Variants in CNBD1 observed in about 807,000 individuals in gnomAD.
CNBD1 encodes the protein cyclic nucleotide binding domain containing 1.
In CNBD1, 71 loss-of-function variants were observed where a neutral mutation model predicts 54.4. The observed-to-expected ratio is 1.30, with a 90% CI of 1.08 to 1.59. The LOEUF (loss-of-function observed/expected upper bound fraction) is 1.59. Ranked by LOEUF, CNBD1 falls within the 40% of genes most tolerant of loss-of-function variation. CNBD1 has a pLI of 0.00. For synonymous variants in CNBD1, 182 were observed against 170.7 expected (o/e 1.07, Z -0.51); for missense variants, 659 against 518.0 (o/e 1.27, Z -2.64).
intron 5 of CNBD1, among the ~76,000 whole-genome samples, chr8:87,221,356 A>G (rs1201550708): frequency 2.0e-5 from 3 of 152,042 alleles, no homozygotes; most frequent in East Asian, 1.9e-4. Context: ...TTTTTCCTGT[A>G]CTGTGCTTCT....
chr8:87,302,369 C>G (rs573663626), intron 8 of CNBD1, among the ~76,000 whole-genome samples: 1 of 152,134 alleles, frequency 6.6e-6, no homozygotes, highest in Non-Finnish European at 1.5e-5. Flanking sequence ...AGCATAGAAA[C>G]AGAACCAATT....
chr8:87,361,236 T>A (rs888120772), intron 10 of CNBD1, among the ~76,000 whole-genome samples: 1 of 151,978 alleles, frequency 6.6e-6, no homozygotes, highest in Non-Finnish European at 1.5e-5. Context: ...TATTCCTTAC[T>A]AATACATGTT....
chr8:86,981,641 T>C (rs1320393776), intron 4 of CNBD1, among the ~76,000 whole-genome samples: 5 of 152,182 alleles, frequency 3.3e-5, no homozygotes, highest in South Asian at 2.1e-4. Flanking sequence ...TAGAATTTCA[T>C]TTAAACAGAA....
chr8:87,039,082 T>A (rs1026478751), intron 4 of CNBD1, among the ~76,000 whole-genome samples: 1 of 152,192 alleles, frequency 6.6e-6, no homozygotes, highest in African/African-American at 2.4e-5. Flanking sequence ...TAATGACCTC[T>A]TTTTTCTGCT....
chr8:87,099,648 C>A (rs1199150325), intron 4 of CNBD1, among the ~76,000 whole-genome samples: 1 of 152,110 alleles, frequency 6.6e-6, no homozygotes, highest in East Asian at 1.9e-4. Context: ...GGAAGACACT[C>A]CCAATTTTTG....
chr8:87,411,396 T>TAATATATATATATATATA (rs1807738971), intron 2 of CNBD1, among the ~76,000 whole-genome samples: 1 of 19,188 alleles, frequency 5.2e-5, no homozygotes, highest in African/African-American at 4.2e-4. Context: ...CCTAGCTATA[T>TAATATATATATATATATA]CATATATATA....
At chr8:87,354,456 G>A (rs1028252955) in intron 10 of CNBD1, among the ~76,000 whole-genome samples, 1 of 151,812 alleles carries the variant, frequency 6.6e-6, no homozygotes, top group Non-Finnish European at 1.5e-5. Flanking sequence ...TGCACAACGT[G>A]CAGGTTTGTT....
Position 87,326,391 on chromosome 8 carries a change from T to C in CNBD1, c.1043-25294T>C, listed in dbSNP as rs1384546099. Among the ~76,000 whole-genome samples the C allele has an allele frequency of 1.7e-3, 213 of 125,626 alleles. 10 individuals carry two copies. In the South Asian group the frequency reaches 0.017, roughly 10 times the overall value. The allele number at this position is 125,626 out of a possible 152,430, so 82.4% of individuals were successfully genotyped here. A position where few individuals can be genotyped will look rare whatever the true frequency, so the allele number is the denominator to read the frequency against. On this transcript the variant is annotated intron_variant, in intron 8 of 10. Transcript: ENST00000518476. ...GGAAGTTCTCCTGGATAATATCCTG[T>C]AGAGTGTTTTCCAACTTGGTTCCAT...
At chr8:86,986,572 CA>C (rs1042439333) in intron 4 of CNBD1, among the ~76,000 whole-genome samples, 3 of 152,084 alleles carry the variant, frequency 2.0e-5, no homozygotes, top group African/African-American at 7.2e-5. Context: ...GGGACTTATT[CA>C]AAAACTCTTT....
intron 6 of CNBD1, among the ~76,000 whole-genome samples, chr8:87,267,760 A>G: frequency 6.6e-6 from 1 of 152,162 alleles, no homozygotes; most frequent in Non-Finnish European, 1.5e-5. Context: ...TGGTTTCTTT[A>G]TCCAGATAGT....
chr8:87,281,588 AT>A (rs1808602921), intron 6 of CNBD1, among the ~76,000 whole-genome samples: 4 of 61,886 alleles, frequency 6.5e-5, no homozygotes, highest in African/African-American at 1.9e-4. Context: ...ATATATATAT[AT>A]ATATATATAT....
chr8:87,235,398 C>G (rs1285510984), intron 5 of CNBD1, among the ~76,000 whole-genome samples: 1 of 152,076 alleles, frequency 6.6e-6, no homozygotes, highest in African/African-American at 2.4e-5. Context: ...GCTGTTGATT[C>G]AAAGTAAGAG....
intron 6 of CNBD1, among the ~76,000 whole-genome samples, chr8:87,274,716 G>A (rs1324968903): frequency 7.5e-6 from 1 of 133,408 alleles, no homozygotes; most frequent in Non-Finnish European, 1.6e-5. Flanking sequence ...CCATTCTGTA[G>A]GTTGCCTGTT....
chr8:87,397,698 C>T (rs1480225973), intron 2 of CNBD1, among the ~76,000 whole-genome samples: 1 of 151,948 alleles, frequency 6.6e-6, no homozygotes. Context: ...TTATCACAAA[C>T]TGATGATTAA....
intron 2 of CNBD1, among the ~76,000 whole-genome samples, chr8:87,405,484 G>T (rs1266444491): frequency 6.6e-6 from 1 of 151,980 alleles, no homozygotes; most frequent in Non-Finnish European, 1.5e-5. Flanking sequence ...CTTTGATTTT[G>T]TTACAAGATC....
At chr8:87,399,300 G>T (rs187124332) in intron 2 of CNBD1, among the ~76,000 whole-genome samples, 2 of 151,916 alleles carry the variant, frequency 1.3e-5, no homozygotes, top group Admixed American at 6.6e-5. Context: ...GCCATGGCAG[G>T]GTTAGCCTTG....
Position 87,338,178 on chromosome 8 carries a change from A to G in CNBD1, c.1043-13507A>G, listed in dbSNP as rs549056044. 7.0e-4 allele frequency among the ~76,000 whole-genome samples: 107 copies of G among 152,338 alleles called. 1 individual carries two copies. Among genetic ancestry groups the G allele is most frequent in the African/African-American group, 2.5e-3 (105 of 41,584 alleles). ...AGTGTGAGTACCTTTAAGTAACGTT[A>G]TAAGAATGAAATAATCTATTCCCTC... On this transcript the variant is annotated intron_variant, in intron 8 of 10. Transcript: ENST00000518476.
At chr8:87,408,883 C>T (rs959614814) in intron 2 of CNBD1, among the ~76,000 whole-genome samples, 2 of 152,010 alleles carry the variant, frequency 1.3e-5, no homozygotes, top group Non-Finnish European at 2.9e-5. Flanking sequence ...CAAACCTAAT[C>T]AATAAATGTA....
At chr8:86,954,765 A>G (rs112942346) in intron 4 of CNBD1, among the ~76,000 whole-genome samples, 3 of 152,248 alleles carry the variant, frequency 2.0e-5, no homozygotes, top group African/African-American at 4.8e-5. Flanking sequence ...TATTTTCAGC[A>G]TAGCTAGGAG....
Sources: gnomAD v4.1 joint callset for allele counts (sites outside exome capture counted in the v4.1 genomes callset) on GRCh38, gnomAD v4.1.1 for gene constraint, MANE v1.5 for transcripts, NCBI Gene and HGNC (gene_info 2026-07-23, HGNC 2026-07-21) for gene names.